The following B4GALT6 variants were observed in gnomAD, a reference collection of about 807,000 sequenced individuals.
B4GALT6 encodes the protein beta-1,4-galactosyltransferase 6.
Under a neutral mutation model 46.3 loss-of-function variants are expected in B4GALT6, and 14 were observed. The observed-to-expected ratio is 0.30, with a 90% CI of 0.20 to 0.47. B4GALT6 has a LOEUF of 0.47. B4GALT6 is among the 20% of genes least tolerant of loss of function. B4GALT6 has a pLI of 0.99. For synonymous variants in B4GALT6, 168 were observed against 162.0 expected (o/e 1.04, Z -0.28); for missense variants, 386 against 480.1 (o/e 0.80, Z 1.83).
intron 5 of B4GALT6, among the ~76,000 whole-genome samples, chr18:31,636,974 C>T (rs1293077569): frequency 3.3e-5 from 5 of 152,328 alleles, no homozygotes; most frequent in South Asian, 4.1e-4. Context: ...GTGCCTGCCA[C>T]CATGCCCGGC....
At chr18:31,689,644 T>A (rs751060366), upstream of B4GALT6, among the ~76,000 whole-genome samples, 24 of 151,916 alleles carry the variant, frequency 1.6e-4, no homozygotes, top group Non-Finnish European at 2.5e-4. Flanking sequence ...CTAGGGAGGC[T>A]GAGGCAGGAG....
the B4GALT6 span, among the ~76,000 whole-genome samples, chr18:31,709,551 ATATGTGTGTGTGTG>A: frequency 9.6e-6 from 1 of 103,990 alleles, no homozygotes; most frequent in African/African-American, 3.7e-5. Context: ...AATAGGATAT[ATATGTGTGTGTGTG>A]TGTGTGTGTG....
chr18:31,723,481 C>T, the B4GALT6 span, among the ~76,000 whole-genome samples: 2 of 152,248 alleles, frequency 1.3e-5, no homozygotes, highest in East Asian at 1.9e-4. Context: ...GGCGCTGTAG[C>T]TTCTAGGGTA....
At chr18:31,689,282 GA>G (rs1407048348), upstream of B4GALT6, among the ~76,000 whole-genome samples, 1 of 152,162 alleles carries the variant, frequency 6.6e-6, no homozygotes, top group Non-Finnish European at 1.5e-5. Context: ...ACTGGAAAAA[GA>G]AGCCAGCCCA....
chr18:31,640,813 C>T (rs945343330), intron 4 of B4GALT6, among the ~76,000 whole-genome samples: 3 of 152,216 alleles, frequency 2.0e-5, no homozygotes, highest in South Asian at 2.1e-4. Context: ...TGGGCTTCAG[C>T]GCCAATGGCT....
intron 3 of B4GALT6, among the ~76,000 whole-genome samples, chr18:31,646,513 T>C (rs990336982): frequency 6.6e-6 from 1 of 152,232 alleles, no homozygotes; most frequent in Non-Finnish European, 1.5e-5. Context: ...GATCATCTTT[T>C]AGCAGTTTTA....
chr18:31,648,387 G>A (rs573606318), intron 3 of B4GALT6, among the ~76,000 whole-genome samples: 5 of 152,242 alleles, frequency 3.3e-5, no homozygotes, highest in East Asian at 3.9e-4. Context: ...TGAAGGTGGC[G>A]CTGGGGTTAG....
the B4GALT6 span, among the ~76,000 whole-genome samples, chr18:31,709,125 T>C: frequency 3.9e-5 from 6 of 152,298 alleles, no homozygotes; most frequent in African/African-American, 1.4e-4. Context: ...TAATCTACAG[T>C]CCCTTTCAGG....
chr18:31,659,346 C>T (rs2074183359), intron 2 of B4GALT6, among the ~76,000 whole-genome samples: 1 of 152,212 alleles, frequency 6.6e-6, no homozygotes, highest in Non-Finnish European at 1.5e-5. Flanking sequence ...TACCTAACAT[C>T]AATATTCAGT....
rs2073644889 is a variant in B4GALT6 at position 31,623,500 on chromosome 18, A to T, written c.*2114T>A. On this transcript the variant is annotated 3_prime_UTR_variant, in exon 9 of 9. Transcript: ENST00000306851. ...AAACTGTAAAATATATATAAAAATG[A>T]AAAGATACCGAATGTGGACAGCTCC... 1 of 152,408 alleles carries T rather than the reference A, an allele frequency of 6.6e-6. No individual in the cohort carries two copies. Among genetic ancestry groups the T allele is most frequent in the South Asian group, 2.1e-4 (1 of 4,824 alleles). The allele number at this position is 152,408 out of a possible 1,614,324, so 9.4% of individuals were successfully genotyped here.
chr18:31,670,268 T>C (rs1049272263), intron 1 of B4GALT6, among the ~76,000 whole-genome samples: 6 of 152,154 alleles, frequency 3.9e-5, no homozygotes, highest in Non-Finnish European at 8.8e-5. Flanking sequence ...TTGCCCAGGC[T>C]GGTCTCGAAC....
chr18:31,652,845 A>T (rs1269530863), intron 3 of B4GALT6, among the ~76,000 whole-genome samples: 2 of 152,126 alleles, frequency 1.3e-5, no homozygotes, highest in Non-Finnish European at 2.9e-5. Context: ...GGCTTCCTGC[A>T]GCAAGCTCCT....
chr18:31,698,111 C>T, the B4GALT6 span, among the ~76,000 whole-genome samples: 1 of 152,214 alleles, frequency 6.6e-6, no homozygotes, highest in Non-Finnish European at 1.5e-5. Context: ...CATTCTCTGC[C>T]TGTCTTTTGC....
At chr18:31,650,988 A>C (rs546805592) in intron 3 of B4GALT6, among the ~76,000 whole-genome samples, 81 of 152,114 alleles carry the variant, frequency 5.3e-4, no homozygotes, top group Non-Finnish European at 9.1e-4. Context: ...GGATGGTCTC[A>C]ATCTCCTGAG....
intron 4 of B4GALT6, among the ~76,000 whole-genome samples, chr18:31,645,019 G>A (rs1306188827): frequency 6.6e-6 from 1 of 152,184 alleles, no homozygotes; most frequent in Non-Finnish European, 1.5e-5. Context: ...AGGGACAGCT[G>A]CAGGAGGCAG....
chr18:31,660,300 CTTTT>C (rs952184938), intron 2 of B4GALT6, among the ~76,000 whole-genome samples: 6 of 151,614 alleles, frequency 4.0e-5, no homozygotes, highest in African/African-American at 1.5e-4. Context: ...TTGTTTTTTT[CTTTT>C]TGTTTTTGTT....
At chr18:31,630,059 G>A (rs2073764185) in intron 6 of B4GALT6, among the ~76,000 whole-genome samples, 1 of 143,396 alleles carries the variant, frequency 7.0e-6, no homozygotes, top group African/African-American at 2.6e-5. Context: ...GAAGAAGGGG[G>A]GAGGGGGAAG....
intron 6 of B4GALT6, among the ~76,000 whole-genome samples, chr18:31,628,454 T>C (rs1361610646): frequency 6.6e-6 from 1 of 152,256 alleles, no homozygotes; most frequent in Non-Finnish European, 1.5e-5. Context: ...AGCCTATCAA[T>C]TCCATTTATT....
chr18:31,715,062 C>T, the B4GALT6 span, among the ~76,000 whole-genome samples: 1 of 152,054 alleles, frequency 6.6e-6, no homozygotes, highest in Admixed American at 6.6e-5. Context: ...AATTTTACAC[C>T]TATGGCCCTT....
Sources: gnomAD v4.1 joint callset for allele counts (sites outside exome capture counted in the v4.1 genomes callset) on GRCh38, gnomAD v4.1.1 for gene constraint, MANE v1.5 for transcripts, NCBI Gene and HGNC (gene_info 2026-07-23, HGNC 2026-07-21) for gene names.